SLIT2: variants seen among roughly 807,000 people sequenced by gnomAD.
The protein encoded by SLIT2 is slit guidance ligand 2.
In SLIT2, 41 loss-of-function variants were observed where a neutral mutation model predicts 185.7. The ratio of observed to expected loss-of-function variants is 0.22; its 90% CI spans 0.17 to 0.29. The LOEUF (loss-of-function observed/expected upper bound fraction) is 0.29, where lower values mean the gene tolerates loss of function less well. Among genes scored for constraint, SLIT2 ranks in the 10% least tolerant of loss-of-function variants. The pLI is 1.00. For synonymous variants in SLIT2, 693 were observed against 680.2 expected, an observed-to-expected ratio of 1.02 and a Z score of -0.29; for missense variants, 1,571 against 1,909.0, an observed-to-expected ratio of 0.82 and a Z score of 3.30.
At chr4:20,257,047 A>G (rs1711922926) in intron 2 of SLIT2, among the ~76,000 whole-genome samples, 1 of 152,184 alleles carries the variant, frequency 6.6e-6, no homozygotes, top group Non-Finnish European at 1.5e-5. Flanking sequence ...AAAATGAATA[A>G]GTAATAAGAA....
Position 20,617,597 on chromosome 4 carries a change from G to A in SLIT2, c.4295G>A (p.Gly1432Glu). The A allele has an allele frequency of 6.2e-7, 1 of 1,613,268 alleles. No individual in the cohort carries two copies. The highest frequency in any genetic ancestry group is 1.1e-5 in the South Asian group (1 of 90,942). The change falls in exon 36 of 37, where the codon GGG (glycine) becomes GAG (glutamate). Residue 1432 changes from glycine (G) to glutamate (E), a missense_variant. Transcript: ENST00000504154. ...KHGKCRLSGL[G>E]QPYCECSSGY... is the part of the protein sequence containing the mutation. ...GGGAAGTGCAGGCTTTCAGGTCTGG[G>A]GCAGCCCTACTGTGAATGCAGCAGT...
chr4:20,324,648 A>AAT (rs554235764), intron 4 of SLIT2, among the ~76,000 whole-genome samples: 102 of 152,282 alleles, frequency 6.7e-4, no homozygotes, highest in African/African-American at 2.4e-3. Flanking sequence ...CTCATCACAG[A>AAT]ATAACTATGT....
chr4:20,506,630 G>T (rs1201416974), intron 9 of SLIT2, among the ~76,000 whole-genome samples: 1 of 151,838 alleles, frequency 6.6e-6, no homozygotes. Flanking sequence ...TGTGTGTTGG[G>T]TTTAGTTTAT....
intron 4 of SLIT2, among the ~76,000 whole-genome samples, chr4:20,383,202 T>C (rs1486427245): frequency 6.6e-6 from 1 of 152,178 alleles, no homozygotes; most frequent in East Asian, 1.9e-4. Context: ...ACTTTGGTTA[T>C]AGCAAAGATT....
chr4:20,315,324 T>C (rs1718481043), intron 4 of SLIT2, among the ~76,000 whole-genome samples: 1 of 152,060 alleles, frequency 6.6e-6, no homozygotes, highest in South Asian at 2.1e-4. Flanking sequence ...GTTCAACAAA[T>C]TGTGATGAAC....
intron 4 of SLIT2, among the ~76,000 whole-genome samples, chr4:20,365,324 G>A (rs910242576): frequency 2.0e-5 from 3 of 152,112 alleles, no homozygotes; most frequent in Non-Finnish European, 4.4e-5. Flanking sequence ...CAGAGGTAGT[G>A]TAACTCCTCA....
intron 29 of SLIT2, among the ~76,000 whole-genome samples, chr4:20,578,038 C>T (rs781608009): frequency 6.6e-6 from 1 of 152,184 alleles, no homozygotes; most frequent in Non-Finnish European, 1.5e-5. Context: ...GGGCACACCT[C>T]GGGCTCACAT....
chr4:20,481,579 A>G (rs1453414899), intron 6 of SLIT2, among the ~76,000 whole-genome samples: 1 of 152,032 alleles, frequency 6.6e-6, no homozygotes, highest in Non-Finnish European at 1.5e-5. Context: ...GCTTTATTTC[A>G]TCCTTGAGAA....
intron 11 of SLIT2, among the ~76,000 whole-genome samples, chr4:20,512,424 CTG>C (rs1283603884): frequency 6.6e-6 from 1 of 152,132 alleles, no homozygotes; most frequent in African/African-American, 2.4e-5. Context: ...AAATGGAAAA[CTG>C]TTACTTAAAT....
chr4:20,362,747 A>G (rs191844667), intron 4 of SLIT2, among the ~76,000 whole-genome samples: 107 of 152,072 alleles, frequency 7.0e-4, no homozygotes, highest in Non-Finnish European at 7.5e-4. Flanking sequence ...ATTTTTCTTG[A>G]AGGTTATTCT....
chr4:20,444,631 G>C (rs918398485), intron 4 of SLIT2, among the ~76,000 whole-genome samples: 11 of 152,204 alleles, frequency 7.2e-5, no homozygotes, highest in Non-Finnish European at 1.2e-4. Context: ...GCAGTGGATA[G>C]CCCAGTGCAG....
chr4:20,608,583 T>A (rs1368581133), intron 33 of SLIT2, among the ~76,000 whole-genome samples: 1 of 152,178 alleles, frequency 6.6e-6, no homozygotes, highest in Non-Finnish European at 1.5e-5. Flanking sequence ...CAAAGATTCC[T>A]GTACACGTGG....
At chr4:20,313,729 A>C (rs1057179479) in intron 4 of SLIT2, among the ~76,000 whole-genome samples, 1 of 152,216 alleles carries the variant, frequency 6.6e-6, no homozygotes, top group South Asian at 2.1e-4. Flanking sequence ...GATTCTCATA[A>C]GGAGTGTGCA....
chr4:20,493,544 T>A (rs534679428), intron 9 of SLIT2, among the ~76,000 whole-genome samples: 1 of 152,226 alleles, frequency 6.6e-6, no homozygotes, highest in East Asian at 1.9e-4. Flanking sequence ...GATGAACACA[T>A]CAAGTTCAAG....
At position 20,369,523 on chromosome 4, in the gene SLIT2, C is replaced by T. The variant is rs1207337076; in HGVS notation, c.396-98229C>T. On this transcript the variant is annotated intron_variant, in intron 4 of 36. Coordinates refer to ENST00000504154, the MANE Select transcript of SLIT2 (RefSeq NM_004787.4). ...TGTCCTGCAAAGTCTAAAATATTTA[C>T]TCTCAGGCCCCTTACGGAAAACGTT... Among the ~76,000 whole-genome samples the T allele has an allele frequency of 2.6e-5, 4 of 152,236 alleles. No individual in the cohort carries two copies. In the East Asian group the frequency reaches 7.7e-4, roughly 29 times the overall value.
At chr4:20,550,243 T>G (rs1577907991) in intron 24 of SLIT2, among the ~76,000 whole-genome samples, 1 of 152,234 alleles carries the variant, frequency 6.6e-6, no homozygotes, top group East Asian at 1.9e-4. Flanking sequence ...ATTTGTTTAC[T>G]AAGCACTCGT....
rs78361820 is a variant in SLIT2, at chr4:20,456,074, C to T, written c.396-11678C>T. 7.8e-3 allele frequency among the ~76,000 whole-genome samples: 1,189 copies of T among 152,150 alleles called. 19 individuals are homozygous for T. The highest frequency in any genetic ancestry group is 0.027 in the African/African-American group (1,108 of 41,528). On this transcript the variant is annotated intron_variant, in intron 4 of 36. Transcript: ENST00000504154. The stretch of plus-strand genomic sequence containing the variant: ...TACATCGACATGAAAAACCTGGGTT[C>T]AGGGGACAGAAAACAACAAGCCTTG...
At chr4:20,327,721 T>A (rs73234451) in intron 4 of SLIT2, among the ~76,000 whole-genome samples, 6,849 of 152,096 alleles carry the variant, frequency 0.045, 242 homozygotes, top group Non-Finnish European at 0.071. Flanking sequence ...TAGATATATT[T>A]TATACTTACG....
chr4:20,556,566 A>AG (rs1560192862), intron 26 of SLIT2, among the ~76,000 whole-genome samples: 2 of 152,052 alleles, frequency 1.3e-5, no homozygotes, highest in African/African-American at 4.8e-5. Flanking sequence ...AGTCCAAGAT[A>AG]AGTCCCCTGT....
Sources: allele counts gnomAD v4.1 joint callset (sites outside exome capture counted in the v4.1 genomes callset), GRCh38; gene constraint gnomAD v4.1.1; transcripts MANE v1.5; gene names NCBI Gene and HGNC (gene_info 2026-07-23, HGNC 2026-07-21).